The following DNAH12 variants were observed in gnomAD, a reference collection of about 807,000 sequenced individuals.
DNAH12 encodes dynein axonemal heavy chain 12.
A neutral mutation model predicts 371.5 loss-of-function variants in DNAH12; 285 were observed. That is an observed-to-expected ratio of 0.77 (90% confidence interval 0.70 to 0.85). The LOEUF is 0.85. DNAH12 is among the 40% of genes least tolerant of loss of function. The pLI, the probability that DNAH12 is intolerant of heterozygous loss-of-function variation, is 0.00. For missense variants in DNAH12, 3,611 were observed against 3,689.4 expected, an observed-to-expected ratio of 0.98 and a Z score of 0.55; for synonymous variants, 1,200 against 1,213.0, an observed-to-expected ratio of 0.99 and a Z score of 0.22.
chr3:57,327,782 G>T (rs2153301679), intron 62 of DNAH12, among the ~76,000 whole-genome samples: 1 of 152,126 alleles, frequency 6.6e-6, no homozygotes, highest in East Asian at 1.9e-4. Flanking sequence ...CTGGTTTTTT[G>T]AAAGGATCAA....
chr3:57,311,307 C>T (rs1017400612), intron 66 of DNAH12, among the ~76,000 whole-genome samples: 2 of 152,138 alleles, frequency 1.3e-5, no homozygotes, highest in African/African-American at 4.8e-5. Context: ...GAACTCCTGA[C>T]CTCAGGTGAT....
At chr3:57,406,350 C>A (rs2064025537) in intron 40 of DNAH12, among the ~76,000 whole-genome samples, 1 of 118,900 alleles carries the variant, frequency 8.4e-6, no homozygotes. Context: ...AAGTGAGATT[C>A]TGCCTCAAAA....
chr3:57,420,204 T>C (rs2064523631), intron 36 of DNAH12, among the ~76,000 whole-genome samples: 1 of 152,080 alleles, frequency 6.6e-6, no homozygotes, highest in Non-Finnish European at 1.5e-5. Context: ...CCCCAACCAT[T>C]ATCTTCTTCT....
At chr3:57,478,535 C>G (rs1307966155) in intron 13 of DNAH12, among the ~76,000 whole-genome samples, 1 of 152,124 alleles carries the variant, frequency 6.6e-6, no homozygotes, top group African/African-American at 2.4e-5. Flanking sequence ...CCCAACCTAG[C>G]AAGGCAGGCC....
intron 55 of DNAH12, among the ~76,000 whole-genome samples, chr3:57,372,926 C>T (rs2063205562): frequency 6.6e-6 from 1 of 151,990 alleles, no homozygotes; most frequent in Non-Finnish European, 1.5e-5. Context: ...ATTTTAAAAG[C>T]AATTCACAAG....
intron 25 of DNAH12, among the ~76,000 whole-genome samples, chr3:57,452,053 C>G (rs1478626616): frequency 6.6e-6 from 1 of 152,164 alleles, no homozygotes; most frequent in Non-Finnish European, 1.5e-5. Flanking sequence ...AACTTTCGCT[C>G]CTGCTCTAAA....
intron 57 of DNAH12, among the ~76,000 whole-genome samples, chr3:57,365,114 T>C (rs951049974): frequency 2.0e-5 from 3 of 152,218 alleles, no homozygotes; most frequent in South Asian, 2.1e-4. Flanking sequence ...ACTGGGTATA[T>C]ACCAAAGGAA....
At chr3:57,455,988 A>G (rs993757022) in intron 22 of DNAH12, among the ~76,000 whole-genome samples, 2 of 152,228 alleles carry the variant, frequency 1.3e-5, no homozygotes, top group Non-Finnish European at 2.9e-5. Context: ...TATATTTTCA[A>G]TAAAATAACA....
rs938522204 is a variant in DNAH12 at position 57,352,807 on chromosome 3, G to A, written c.9534-582C>T. 2.6e-5 allele frequency among the ~76,000 whole-genome samples: 4 copies of A among 152,188 alleles called. No homozygotes were observed. In the East Asian group the frequency reaches 5.8e-4, roughly 22 times the overall value. ...TACATAATTTAAAAATGCATGAAAA[G>A]GTCAGGCGCAGTGTCTCCTGCTTGT... is the stretch of plus-strand genomic sequence containing the variant. On this transcript the variant is annotated intron_variant, in intron 59 of 73. Coordinates refer to ENST00000495027, the MANE Select transcript of DNAH12 (RefSeq NM_001366028.2).
intron 59 of DNAH12, among the ~76,000 whole-genome samples, chr3:57,353,414 T>A (rs1296245862): frequency 2.6e-5 from 4 of 152,144 alleles, no homozygotes; most frequent in African/African-American, 9.7e-5. Context: ...CATCTCAGCC[T>A]CCTAAGTAGC....
intron 35 of DNAH12, among the ~76,000 whole-genome samples, chr3:57,424,401 G>A (rs536141497): frequency 1.4e-4 from 21 of 147,566 alleles, no homozygotes; most frequent in Admixed American, 2.7e-4. Context: ...AACCCAGGAG[G>A]CAGAGGATGC....
rs550980769 is a variant in DNAH12 at position 57,457,018 on chromosome 3, T to C, written c.3336+703A>G. Among the ~76,000 whole-genome samples the C allele has an allele frequency of 2.0e-4, 31 of 152,310 alleles. No individual in the cohort carries two copies. In the South Asian group the frequency reaches 6.4e-3, roughly 32 times the overall value. On this transcript the variant is annotated intron_variant, in intron 22 of 73. Coordinates refer to ENST00000495027, the MANE Select transcript of DNAH12 (RefSeq NM_001366028.2). Reference sequence around the variant, plus strand: ...ATCTTTTTTCCTTTATTTTTGGTTTTTATTTTTATTTTTTGAAACTGAATC... The same window carrying C: ...ATCTTTTTTCCTTTATTTTTGGTTTCTATTTTTATTTTTTGAAACTGAATC...
intron 40 of DNAH12, 38 bp from the exon 41 acceptor site, chr3:57,405,990 C>G: frequency 6.6e-7 from 1 of 1,505,992 alleles, no homozygotes. Flanking sequence ...AAATAAAATG[C>G]TTATAATCAG....
At chr3:57,483,843 T>C (rs993915474) in intron 12 of DNAH12, among the ~76,000 whole-genome samples, 1 of 149,846 alleles carries the variant, frequency 6.7e-6, no homozygotes. Context: ...TCCCAGCTAC[T>C]TGGGAAGCTG....
chr3:57,460,827 T>C (rs969017168), intron 19 of DNAH12, among the ~76,000 whole-genome samples: 1 of 152,216 alleles, frequency 6.6e-6, no homozygotes, highest in Non-Finnish European at 1.5e-5. Context: ...TATATGTTGG[T>C]TTCCTTGTCC....
At chr3:57,464,702 C>T (rs2066148656) in intron 17 of DNAH12, among the ~76,000 whole-genome samples, 2 of 152,020 alleles carry the variant, frequency 1.3e-5, no homozygotes, top group African/African-American at 4.8e-5. Context: ...GCTCTCTGAC[C>T]AACAATAAAC....
chr3:57,475,265 T>C (rs547470185), intron 13 of DNAH12, among the ~76,000 whole-genome samples: 11 of 152,250 alleles, frequency 7.2e-5, no homozygotes, highest in Non-Finnish European at 1.6e-4. Context: ...TAAAATAAAA[T>C]ACTGCTCCAT....
intron 25 of DNAH12, among the ~76,000 whole-genome samples, chr3:57,450,907 C>T (rs982625399): frequency 6.6e-6 from 1 of 152,222 alleles, no homozygotes; most frequent in Non-Finnish European, 1.5e-5. Flanking sequence ...TCCTTATCAG[C>T]AAGAAAATGC....
At chr3:57,400,034 T>C (rs2063824664) in intron 43 of DNAH12, among the ~76,000 whole-genome samples, 1 of 152,170 alleles carries the variant, frequency 6.6e-6, no homozygotes, top group South Asian at 2.1e-4. Flanking sequence ...CAAGCCTGTA[T>C]TCCCAGATCT....
Sources: allele counts gnomAD v4.1 joint callset (sites outside exome capture counted in the v4.1 genomes callset), GRCh38; gene constraint gnomAD v4.1.1; transcripts MANE v1.5; gene names NCBI Gene and HGNC (gene_info 2026-07-23, HGNC 2026-07-21).